PPP2R2A: variants seen among roughly 807,000 people sequenced by gnomAD.
The protein encoded by PPP2R2A is protein phosphatase 2 regulatory subunit Balpha.
PPP2R2A carries 9 observed loss-of-function variants against 53.2 expected under a neutral mutation model. The observed-to-expected ratio is 0.17, with a 90% CI of 0.10 to 0.30. PPP2R2A has a LOEUF of 0.30. PPP2R2A is among the 10% of genes least tolerant of loss of function. The probability of loss-of-function intolerance (pLI) is 1.00; values close to 1 mark genes in which losing one functional copy is unlikely to be tolerated. For synonymous variants in PPP2R2A, 169 were observed against 174.2 expected (o/e 0.97, Z 0.23); for missense variants, 235 against 534.6 (o/e 0.44, Z 5.53).
chr8:26,355,915 T>A (rs75856926), intron 4 of PPP2R2A, among the ~76,000 whole-genome samples: 2,830 of 151,570 alleles, frequency 0.019, 42 homozygotes, highest in Admixed American at 0.048. Context: ...GAATTTGAAA[T>A]CCTTTATGAT....
intron 1 of PPP2R2A, among the ~76,000 whole-genome samples, chr8:26,292,931 A>G (rs1235520484): frequency 6.6e-6 from 1 of 152,238 alleles, no homozygotes; most frequent in Non-Finnish European, 1.5e-5. Flanking sequence ...TGTCGGATTG[A>G]CTTACGGTTT....
In PPP2R2A at chr8:26,338,398, C is replaced by T. The variant is rs961440285; in HGVS notation, c.83-492C>T. ...TAAAAAAGCGGGATCTATTTGCAAACACTTGTTTGAAGCCATGATTTTGAA... is the reference window on the plus strand; with the variant it reads ...TAAAAAAGCGGGATCTATTTGCAAATACTTGTTTGAAGCCATGATTTTGAA... On this transcript the variant is annotated intron_variant, in intron 2 of 9. Coordinates refer to ENST00000380737, the MANE Select transcript of PPP2R2A (RefSeq NM_002717.4). The surrounding 1 kb of genome is among the most constrained non-coding windows in gnomAD (Gnocchi z 4.5). 6.6e-6 allele frequency among the ~76,000 whole-genome samples: 1 copy of T among 152,174 alleles called. No individual in the cohort carries two copies. The highest frequency in any genetic ancestry group is 6.5e-5 in the Admixed American group (1 of 15,272).
chr8:26,324,505 C>T lies in PPP2R2A; in HGVS notation c.83-14385C>T, dbSNP rs190978084. Among the ~76,000 whole-genome samples, 212 of 152,258 alleles carry T rather than the reference C, an allele frequency of 1.4e-3. 2 individuals are homozygous for T. Among genetic ancestry groups the T allele is most frequent in the African/African-American group, 4.4e-3 (183 of 41,560 alleles). ...TGGGAACCTCTGCCTAGTTTTCAGACGTGTGGAAATGCCTGGATGCCCAGA... is the reference window on the plus strand; with the variant it reads ...TGGGAACCTCTGCCTAGTTTTCAGATGTGTGGAAATGCCTGGATGCCCAGA... On this transcript the variant is annotated intron_variant, in intron 2 of 9. Transcript: ENST00000380737.
At chr8:26,294,530 T>C (rs73215693) in intron 2 of PPP2R2A, among the ~76,000 whole-genome samples, 5,979 of 152,266 alleles carry the variant, frequency 0.039, 176 homozygotes, top group South Asian at 0.12. Flanking sequence ...TCCTGAGAAA[T>C]GTTGAAGTTT....
chr8:26,347,172 CTTT>C (rs1223241486), intron 3 of PPP2R2A, among the ~76,000 whole-genome samples: 2 of 141,456 alleles, frequency 1.4e-5, no homozygotes. Flanking sequence ...TAAAATGAAT[CTTT>C]TTTTTTTTTT....
At chr8:26,294,714 T>A (rs1801467585) in intron 2 of PPP2R2A, among the ~76,000 whole-genome samples, 1 of 152,220 alleles carries the variant, frequency 6.6e-6, no homozygotes, top group South Asian at 2.1e-4. Flanking sequence ...TACTGTTTGT[T>A]CTGGAGATTT....
Position 26,354,647 on chromosome 8 carries a change from T to G in PPP2R2A, c.346+14T>G, listed in dbSNP as rs555118993. 1 of 1,568,768 alleles carries G rather than the reference T, an allele frequency of 6.4e-7. No homozygotes were observed. Among genetic ancestry groups the G allele is most frequent in the South Asian group, 1.2e-5 (1 of 83,264 alleles). The stretch of plus-strand genomic sequence containing the variant: ...TGTCTACCAATGGTAAGTATACATA[T>G]TTTCTTTCCATGTGCCCACTGTGTG... On this transcript the variant is annotated intron_variant, in intron 4 of 9. Coordinates refer to ENST00000380737, the MANE Select transcript of PPP2R2A (RefSeq NM_002717.4). The surrounding 1 kb of genome is among the most constrained non-coding windows in gnomAD (Gnocchi z 4.6).
At position 26,370,526 on chromosome 8, in the gene PPP2R2A, A is replaced by T. The variant is rs1585421424; in HGVS notation, c.*113A>T. ...TTGTGGCGCCCCTTTCCAGTGTTTGACAGTGTGCCATTCGACAACACATTG... is the reference window on the plus strand; with the variant it reads ...TTGTGGCGCCCCTTTCCAGTGTTTGTCAGTGTGCCATTCGACAACACATTG... On this transcript the variant is annotated 3_prime_UTR_variant, in exon 10 of 10. Transcript: ENST00000380737. This position sits in a 1 kb window ranked among gnomAD's most constrained non-coding sequence, Gnocchi z 6.1. 2 of 1,220,458 alleles carry T rather than the reference A, an allele frequency of 1.6e-6. No homozygotes were observed. The highest frequency in any genetic ancestry group is 1.2e-6 in the Non-Finnish European group (1 of 869,496). The allele number at this position is 1,220,458 out of a possible 1,614,324, so 75.6% of individuals were successfully genotyped here.
intron 3 of PPP2R2A, among the ~76,000 whole-genome samples, chr8:26,345,558 T>A (rs1202035217): frequency 6.6e-6 from 1 of 152,182 alleles, no homozygotes; most frequent in Non-Finnish European, 1.5e-5. Context: ...CCTTTTCATG[T>A]CATTCAGTTT....
chr8:26,363,916 G>T, intron 8 of PPP2R2A, 26 bp downstream of exon 8: 1 of 1,538,422 alleles, frequency 6.5e-7, no homozygotes, highest in African/African-American at 1.4e-5. Flanking sequence ...CTTTCAATGA[G>T]CATATACCCT....
chr8:26,304,002 CTCTT>C (rs1801904397), intron 2 of PPP2R2A, among the ~76,000 whole-genome samples: 2 of 152,216 alleles, frequency 1.3e-5, no homozygotes, highest in African/African-American at 4.8e-5. Flanking sequence ...CGAATGATCT[CTCTT>C]TTTCCAGTTC....
chr8:26,348,098 A>C (rs1156352086), intron 3 of PPP2R2A, among the ~76,000 whole-genome samples: 1 of 152,254 alleles, frequency 6.6e-6, no homozygotes, highest in Non-Finnish European at 1.5e-5. Flanking sequence ...ATATAAAACA[A>C]ATGACTGCTT....
At chr8:26,349,865 T>A (rs944942652) in intron 3 of PPP2R2A, among the ~76,000 whole-genome samples, 25 of 152,212 alleles carry the variant, frequency 1.6e-4, no homozygotes, top group Non-Finnish European at 3.2e-4. Context: ...TGCTGTACAA[T>A]CATGAGTAGA....
In PPP2R2A at chr8:26,366,131, C is replaced by A. The variant is rs117680655; in HGVS notation, c.973-184C>A. On this transcript the variant is annotated intron_variant, in intron 8 of 9. Transcript: ENST00000380737. ...TCATACCAGTAGGAAAATGTACCTC[C>A]CTGAAGGGCTTGTGTGTTTTGTAAA... 1.5e-5 allele frequency: 8 copies of A among 519,906 alleles called. No individual in the cohort carries two copies. In the East Asian group the frequency reaches 2.7e-4, roughly 18 times the overall value. 32.2% of individuals were successfully genotyped at this position (519,906 alleles called of 1,614,324 possible).
At chr8:26,331,830 A>AT (rs1257037312) in intron 2 of PPP2R2A, among the ~76,000 whole-genome samples, 2 of 152,188 alleles carry the variant, frequency 1.3e-5, no homozygotes, top group Non-Finnish European at 2.9e-5. Flanking sequence ...GATTTATGCT[A>AT]TTTTGTGTTG....
chr8:26,305,147 C>T (rs1015689259), intron 2 of PPP2R2A, among the ~76,000 whole-genome samples: 1 of 152,140 alleles, frequency 6.6e-6, no homozygotes, highest in Non-Finnish European at 1.5e-5. Flanking sequence ...GCTTTAGATT[C>T]CTCCTCCAAG....
intron 3 of PPP2R2A, among the ~76,000 whole-genome samples, chr8:26,344,022 G>C (rs1268922691): frequency 6.6e-6 from 1 of 152,136 alleles, no homozygotes; most frequent in African/African-American, 2.4e-5. Flanking sequence ...CCTTTTGCCA[G>C]CTGGGGGCCC....
chr8:26,339,456 A>G (rs1385323991), intron 3 of PPP2R2A, among the ~76,000 whole-genome samples: 1 of 152,194 alleles, frequency 6.6e-6, no homozygotes, highest in Non-Finnish European at 1.5e-5. Context: ...ATTTAAATGT[A>G]AAGGTTTAAA....
At chr8:26,305,059 C>T (rs534610823) in intron 2 of PPP2R2A, among the ~76,000 whole-genome samples, 3 of 152,212 alleles carry the variant, frequency 2.0e-5, no homozygotes, top group East Asian at 1.9e-4. Flanking sequence ...ACTCTATACC[C>T]GTTAAATAAC....
Sources: allele counts gnomAD v4.1 joint callset (sites outside exome capture counted in the v4.1 genomes callset), GRCh38; gene constraint gnomAD v4.1.1; non-coding constraint Gnocchi (gnomAD v3.1); transcripts MANE v1.5; gene names NCBI Gene and HGNC (gene_info 2026-07-23, HGNC 2026-07-21).